ASH1L: variants seen among roughly 807,000 people sequenced by gnomAD.
ASH1L encodes the protein ASH1 like histone lysine methyltransferase.
ASH1L carries 23 observed loss-of-function variants against 269.0 expected under a neutral mutation model. The observed-to-expected ratio is 0.09, with a 90% confidence interval of 0.06 to 0.12. The LOEUF is 0.12. Ranked by LOEUF, ASH1L falls within the 10% of genes least tolerant of loss-of-function variation. The pLI is 1.00. For synonymous variants in ASH1L, 1,187 were observed against 1,253.5 expected, an observed-to-expected ratio of 0.95 and a Z score of 1.12; for missense variants, 2,912 against 3,567.8, an observed-to-expected ratio of 0.82 and a Z score of 4.68.
chr1:155,520,934 T>C lies in ASH1L; in HGVS notation c.420+166A>G, dbSNP rs533803033. On this transcript the variant is annotated intron_variant, in intron 2 of 27. Coordinates refer to ENST00000392403, the MANE Select transcript of ASH1L (RefSeq NM_018489.3). ...TACATACATGGTTATGCTATTAACT[T>C]ACATCTTTGACAAGCCTTGGGGCTT... Among the ~76,000 whole-genome samples the C allele has an allele frequency of 1.1e-4, 17 of 152,362 alleles. No individual in the cohort carries two copies. In the South Asian group the frequency reaches 3.3e-3, roughly 30 times the overall value.
rs533007089 is a variant in ASH1L, at chr1:155,471,472, C to T, written c.4984+6414G>A. On this transcript the variant is annotated intron_variant, in intron 3 of 27. Transcript: ENST00000392403. ...AACATGGCCAATGATCTAATCAATC[C>T]GGCCTACCTAACAGAGCCCCAATAA... Among the ~76,000 whole-genome samples, 27 of 152,312 alleles carry T rather than the reference C, an allele frequency of 1.8e-4. No individual in the cohort carries two copies. The South Asian group carries it at 2.1e-3, about 12-fold the overall frequency.
At chr1:155,446,771 G>A (rs758152485) in intron 4 of ASH1L, among the ~76,000 whole-genome samples, 12 of 151,832 alleles carry the variant, frequency 7.9e-5, no homozygotes, top group South Asian at 6.2e-4. Flanking sequence ...TCAGGCGCCC[G>A]CCACCGCGCC....
In ASH1L at chr1:155,393,231, C is replaced by G. The variant is rs552091995; in HGVS notation, c.6103+2228G>C. 5.9e-5 allele frequency among the ~76,000 whole-genome samples: 9 copies of G among 152,214 alleles called. No homozygotes were observed. The South Asian group carries it at 1.9e-3, about 32-fold the overall frequency. On this transcript the variant is annotated intron_variant, in intron 7 of 27. Transcript: ENST00000392403. ...TAAATCTGTCTCCAGCCACCCAATA[C>G]AGAATAATTCAAGCAAACTAATCTT...
At chr1:155,347,986 T>G in intron 19 of ASH1L, 82 bp from the exon 20 acceptor site, 1 of 1,563,976 alleles carries the variant, frequency 6.4e-7, no homozygotes, top group Non-Finnish European at 8.7e-7. Context: ...CAAGGTAGCA[T>G]GACTTTCTTT....
intron 12 of ASH1L, among the ~76,000 whole-genome samples, chr1:155,363,657 C>G (rs1655157712): frequency 6.6e-6 from 1 of 152,084 alleles, no homozygotes; most frequent in South Asian, 2.1e-4. Flanking sequence ...CTGATATATA[C>G]TGTAACTTTT....
intron 4 of ASH1L, among the ~76,000 whole-genome samples, chr1:155,446,747 C>A (rs1437801644): frequency 2.6e-5 from 4 of 151,396 alleles, no homozygotes. Flanking sequence ...TCAGCCTCCC[C>A]AGCAGCTGGG....
chr1:155,364,249 T>C (rs990419557), intron 12 of ASH1L, among the ~76,000 whole-genome samples: 1 of 152,166 alleles, frequency 6.6e-6, no homozygotes, highest in Non-Finnish European at 1.5e-5. Flanking sequence ...GGTGACAGAG[T>C]GAGACCTTGT....
chr1:155,448,399 G>A (rs1372913132), intron 4 of ASH1L, among the ~76,000 whole-genome samples: 1 of 152,138 alleles, frequency 6.6e-6, no homozygotes, highest in Non-Finnish European at 1.5e-5. Flanking sequence ...AAGGTGCTCA[G>A]ACTAGCCTCA....
chr1:155,487,822 A>G (rs1666432589), intron 2 of ASH1L, among the ~76,000 whole-genome samples: 1 of 152,106 alleles, frequency 6.6e-6, no homozygotes, highest in South Asian at 2.1e-4. Flanking sequence ...AATTCTGTCT[A>G]AAAGTAAAGT....
At chr1:155,552,969 C>G (rs1003839576) in intron 1 of ASH1L, among the ~76,000 whole-genome samples, 2 of 152,068 alleles carry the variant, frequency 1.3e-5, no homozygotes, top group Admixed American at 6.6e-5. Flanking sequence ...GTAGAATCCG[C>G]CAACTCTATG....
intron 6 of ASH1L, among the ~76,000 whole-genome samples, chr1:155,410,917 A>G (rs752524753): frequency 5.3e-5 from 8 of 152,102 alleles, no homozygotes; most frequent in Non-Finnish European, 1.2e-4. Context: ...CTTTATTTTT[A>G]TTCTATTGTA....
At chr1:155,369,554 T>C (rs1655747948) in intron 12 of ASH1L, among the ~76,000 whole-genome samples, 1 of 152,218 alleles carries the variant, frequency 6.6e-6, no homozygotes, top group African/African-American at 2.4e-5. Flanking sequence ...ATATTATCTT[T>C]TTAAAATTAT....
At position 155,478,794 on chromosome 1, in the gene ASH1L, G is replaced by C. The variant is rs757633171; in HGVS notation, c.4076C>G (p.Ala1359Gly). The C allele has an allele frequency of 6.2e-7, 1 of 1,614,134 alleles. No homozygotes were observed. Among genetic ancestry groups the C allele is most frequent in the Non-Finnish European group, 8.5e-7 (1 of 1,180,014 alleles). Residue 1359 changes from alanine to glycine, a missense_variant, in exon 3 of 28, where the codon GCA (alanine) becomes GGA (glycine). Ala to Gly is a moderately conservative substitution (Grantham distance 60). Coordinates refer to ENST00000392403, the MANE Select transcript of ASH1L (RefSeq NM_018489.3). The surrounding 1 kb of genome is among the most constrained non-coding windows in gnomAD (Gnocchi z 4.6). ...GTGCATAAAAGGCATTTCAGCCATTGCCTCCCTCATCTTAGGGGGTCTCCC... is the reference window on the plus strand; with the variant it reads ...GTGCATAAAAGGCATTTCAGCCATTCCCTCCCTCATCTTAGGGGGTCTCCC... ...KRGRPPKMRE[A>G]MAEMPFMHSL... is the part of the protein sequence containing the mutation.
intron 6 of ASH1L, among the ~76,000 whole-genome samples, chr1:155,400,841 C>T (rs935960744): frequency 2.6e-5 from 4 of 152,120 alleles, no homozygotes; most frequent in South Asian, 2.1e-4. Context: ...CAGGGAGAGA[C>T]GGTCCAGACC....
chr1:155,379,305 C>G lies in ASH1L; in HGVS notation c.6177+738G>C, dbSNP rs1053113423. 3.3e-5 allele frequency among the ~76,000 whole-genome samples: 5 copies of G among 152,180 alleles called. No individual in the cohort carries two copies. The East Asian group carries it at 9.6e-4, about 29-fold the overall frequency. On this transcript the variant is annotated intron_variant, in intron 8 of 27. Transcript: ENST00000392403. ...GAGACAAATACCTAACATATTAATACTCTCAGAATTCAAGAGAGGCCATTG... is the reference window on the plus strand; with the variant it reads ...GAGACAAATACCTAACATATTAATAGTCTCAGAATTCAAGAGAGGCCATTG...
At chr1:155,390,446 A>G (rs1411521443) in intron 7 of ASH1L, among the ~76,000 whole-genome samples, 1 of 152,226 alleles carries the variant, frequency 6.6e-6, no homozygotes, top group Admixed American at 6.5e-5. Flanking sequence ...CAGAAAACAG[A>G]GGAGGAAAAT....
At chr1:155,425,201 T>A (rs1034895895) in intron 5 of ASH1L, among the ~76,000 whole-genome samples, 1 of 151,892 alleles carries the variant, frequency 6.6e-6, no homozygotes, top group Middle Eastern at 3.4e-3. Context: ...CTCGAACTCC[T>A]GACCTCAAGT....
intron 2 of ASH1L, among the ~76,000 whole-genome samples, chr1:155,499,013 T>C (rs1667339458): frequency 1.3e-5 from 2 of 152,148 alleles, no homozygotes; most frequent in Non-Finnish European, 2.9e-5. Context: ...ATATTTTCTT[T>C]TCAAAAGCAG....
chr1:155,503,231 A>T (rs1349124117), intron 2 of ASH1L, among the ~76,000 whole-genome samples: 2 of 152,188 alleles, frequency 1.3e-5, no homozygotes, highest in Non-Finnish European at 2.9e-5. Flanking sequence ...TGTTAGGATC[A>T]TTTTTGTGCC....
Sources: gnomAD v4.1 joint callset for allele counts (sites outside exome capture counted in the v4.1 genomes callset) on GRCh38, gnomAD v4.1.1 for gene constraint, Gnocchi (gnomAD v3.1) non-coding constraint, MANE v1.5 for transcripts, NCBI Gene and HGNC (gene_info 2026-07-23, HGNC 2026-07-21) for gene names.